The following ITPR1 variants were observed in gnomAD, a reference collection of about 807,000 sequenced individuals.
ITPR1 encodes the protein inositol 1,4,5-trisphosphate receptor type 1, also known as inositol 1,4,5-trisphosphate-gated calcium channel ITPR1.
A neutral mutation model predicts 318.4 loss-of-function variants in ITPR1; 96 were observed. That is an observed-to-expected ratio of 0.30 (90% CI 0.26 to 0.36). ITPR1 has a LOEUF of 0.36. Among genes scored for constraint, ITPR1 ranks in the 10% least tolerant of loss-of-function variants. The pLI, the probability that ITPR1 is intolerant of heterozygous loss-of-function variation, is 1.00. For synonymous variants in ITPR1, 1,312 were observed against 1,289.9 expected (o/e 1.02, Z -0.37); for missense variants, 2,440 against 3,460.2 (o/e 0.71, Z 7.40).
At chr3:4,803,557 C>G (rs894756123) in intron 54 of ITPR1, among the ~76,000 whole-genome samples, 3 of 152,162 alleles carry the variant, frequency 2.0e-5, no homozygotes, top group Non-Finnish European at 4.4e-5. Flanking sequence ...ATGACCAGAA[C>G]TACAGAGAGA....
intron 60 of ITPR1, among the ~76,000 whole-genome samples, chr3:4,829,188 T>A (rs1367473116): frequency 6.6e-6 from 1 of 152,232 alleles, no homozygotes; most frequent in African/African-American, 2.4e-5. Context: ...TAGACCAGGT[T>A]GGTGAGCTAG....
At chr3:4,668,631 C>A (rs950306802) in intron 18 of ITPR1, among the ~76,000 whole-genome samples, 3 of 152,130 alleles carry the variant, frequency 2.0e-5, no homozygotes, top group Non-Finnish European at 4.4e-5. Context: ...CCACACCCAG[C>A]TAATTTTTGT....
At chr3:4,803,557 C>A (rs894756123) in intron 54 of ITPR1, among the ~76,000 whole-genome samples, 5 of 152,162 alleles carry the variant, frequency 3.3e-5, no homozygotes, top group African/African-American at 9.7e-5. Flanking sequence ...ATGACCAGAA[C>A]TACAGAGAGA....
intron 36 of ITPR1, among the ~76,000 whole-genome samples, chr3:4,705,366 T>G (rs2094735275): frequency 6.6e-6 from 1 of 152,244 alleles, no homozygotes; most frequent in African/African-American, 2.4e-5. Flanking sequence ...TTGTCAAGGC[T>G]AGGAAACTGA....
At position 4,565,699 on chromosome 3, in the gene ITPR1, A is replaced by C. The variant is rs116639792; in HGVS notation, c.163+44605A>C. Reference sequence around the variant, plus strand: ...GGCTACTAATTCTCTTTTGAACTAGATTGGATTCTGCAAACAATTGAACAG... The same window carrying C: ...GGCTACTAATTCTCTTTTGAACTAGCTTGGATTCTGCAAACAATTGAACAG... On this transcript the variant is annotated intron_variant, in intron 4 of 61. Transcript: ENST00000649015. Among the ~76,000 whole-genome samples, 892 of 152,322 alleles carry C rather than the reference A, an allele frequency of 5.9e-3. 4 individuals are homozygous for C. Among genetic ancestry groups the C allele is most frequent in the Middle Eastern group, 0.02 (6 of 294 alleles).
At position 4,683,509 on chromosome 3, in the gene ITPR1, G is replaced by T. The variant is rs756217950; in HGVS notation, c.3285G>T (p.Arg1095=). Residue 1095 remains arginine, a synonymous_variant, in exon 27 of 62, where the codon CGG becomes CGT. Coordinates refer to ENST00000649015, the MANE Select transcript of ITPR1 (RefSeq NM_001378452.1). The stretch of plus-strand genomic sequence containing the variant: ...CAGGGGCCCTGCAGCTCCTCTTCCG[G>T]CACTTCAGCCAGAGGCAGGAGGTGC... The part of the protein sequence containing the change: ...LVSGALQLLF[R]HFSQRQEVLQ... 6.2e-7 allele frequency: 1 copy of T among 1,614,052 alleles called. No homozygotes were observed. Among genetic ancestry groups the T allele is most frequent in the Non-Finnish European group, 8.5e-7 (1 of 1,179,892 alleles).
chr3:4,798,500 G>T (rs2048030181), intron 53 of ITPR1, among the ~76,000 whole-genome samples: 3 of 152,242 alleles, frequency 2.0e-5, no homozygotes, highest in Admixed American at 2.0e-4. Flanking sequence ...TACACGGCTG[G>T]TGGGAAGGCA....
chr3:4,654,453 C>T (rs2093661357), intron 12 of ITPR1, among the ~76,000 whole-genome samples: 1 of 152,184 alleles, frequency 6.6e-6, no homozygotes, highest in Non-Finnish European at 1.5e-5. Context: ...TCTCTGGAGA[C>T]CATATCGCCA....
At chr3:4,647,148 T>C (rs2093476699) in intron 10 of ITPR1, among the ~76,000 whole-genome samples, 1 of 152,200 alleles carries the variant, frequency 6.6e-6, no homozygotes, top group African/African-American at 2.4e-5. Context: ...TCATACAGTA[T>C]ACAGTCTTTA....
chr3:4,506,689 C>G (rs1346722345), intron 2 of ITPR1, among the ~76,000 whole-genome samples: 1 of 152,046 alleles, frequency 6.6e-6, no homozygotes, highest in African/African-American at 2.4e-5. Flanking sequence ...TAAATATGTT[C>G]GATAAGAAGG....
intron 55 of ITPR1, 118 bp from the exon 56 acceptor site, chr3:4,811,147 T>A: frequency 1.7e-6 from 1 of 582,014 alleles, no homozygotes; most frequent in Non-Finnish European, 2.9e-6. Context: ...TAAGATCATA[T>A]GTAGTGCTTT....
intron 5 of ITPR1, among the ~76,000 whole-genome samples, chr3:4,631,360 T>C (rs142051379): frequency 6.8e-4 from 103 of 152,364 alleles, no homozygotes; most frequent in Middle Eastern, 6.8e-3. Flanking sequence ...GCATAATCCC[T>C]GTGACCATTG....
chr3:4,641,680 G>T (rs991021179), intron 6 of ITPR1, among the ~76,000 whole-genome samples: 2 of 152,152 alleles, frequency 1.3e-5, no homozygotes, highest in African/African-American at 4.8e-5. Flanking sequence ...CTGGCCCTGC[G>T]TTGTTTTTTA....
At chr3:4,801,840 G>T (rs763289611) in intron 54 of ITPR1, among the ~76,000 whole-genome samples, 1 of 152,166 alleles carries the variant, frequency 6.6e-6, no homozygotes, top group Non-Finnish European at 1.5e-5. Flanking sequence ...ATGAAGCGGG[G>T]ATTGAGAAGA....
At chr3:4,656,411 T>C (rs1205243459) in intron 12 of ITPR1, among the ~76,000 whole-genome samples, 11 of 152,208 alleles carry the variant, frequency 7.2e-5, no homozygotes, top group Non-Finnish European at 1.2e-4. Context: ...CTCAAAGTTC[T>C]TACTCCTAAA....
intron 4 of ITPR1, among the ~76,000 whole-genome samples, chr3:4,533,490 A>G (rs764470951): frequency 6.6e-6 from 1 of 152,234 alleles, no homozygotes; most frequent in South Asian, 2.1e-4. Context: ...GATTTGGTGC[A>G]TGTGTAACAC....
chr3:4,571,295 C>A (rs1169134354), intron 4 of ITPR1, among the ~76,000 whole-genome samples: 1 of 152,058 alleles, frequency 6.6e-6, no homozygotes, highest in African/African-American at 2.4e-5. Context: ...ATTGATAACA[C>A]GTAATTTCAC....
chr3:4,636,617 C>T (rs1304168291), intron 5 of ITPR1, among the ~76,000 whole-genome samples: 2 of 152,146 alleles, frequency 1.3e-5, no homozygotes, highest in African/African-American at 4.8e-5. Flanking sequence ...TTAGTAGAGA[C>T]AGCGTTTCAC....
chr3:4,560,725 T>A (rs777096979), intron 4 of ITPR1, among the ~76,000 whole-genome samples: 4 of 152,194 alleles, frequency 2.6e-5, no homozygotes, highest in Non-Finnish European at 5.9e-5. Context: ...CTTTGGTGCA[T>A]GTAGATACAG....
Sources: allele counts gnomAD v4.1 joint callset (sites outside exome capture counted in the v4.1 genomes callset), GRCh38; gene constraint gnomAD v4.1.1; transcripts MANE v1.5; gene names NCBI Gene and HGNC (gene_info 2026-07-23, HGNC 2026-07-21).